Variants in PRIM2 observed in about 807,000 individuals in gnomAD.
PRIM2 encodes the protein DNA primase large subunit.
PRIM2 carries 39 observed loss-of-function variants against 67.3 expected under a neutral mutation model. That is an observed-to-expected ratio of 0.58 (90% CI 0.45 to 0.76). The LOEUF (loss-of-function observed/expected upper bound fraction) is 0.76. PRIM2 is among the 30% of genes least tolerant of loss of function. The probability of loss-of-function intolerance (pLI) is 0.00; values close to 1 mark genes in which losing one functional copy is unlikely to be tolerated. For synonymous variants in PRIM2, 143 were observed against 198.7 expected, an observed-to-expected ratio of 0.72 and a Z score of 2.36; for missense variants, 398 against 598.7, an observed-to-expected ratio of 0.66 and a Z score of 3.50.
intron 7 of PRIM2, among the ~76,000 whole-genome samples, chr6:57,427,645 A>G (rs1401825807): frequency 1.3e-5 from 2 of 152,190 alleles, no homozygotes; most frequent in African/African-American, 4.8e-5. Context: ...ACAGCATCAC[A>G]TAGCAAATTT....
chr6:57,335,405 G>A (rs1238265627), intron 5 of PRIM2, among the ~76,000 whole-genome samples: 7 of 152,302 alleles, frequency 4.6e-5, no homozygotes, highest in Middle Eastern at 3.4e-3. Flanking sequence ...CACCTCTGGG[G>A]GCAGGGCACA....
intron 10 of PRIM2, among the ~76,000 whole-genome samples, chr6:57,549,998 T>G (rs1237165058): frequency 2.0e-5 from 3 of 152,034 alleles, no homozygotes; most frequent in Non-Finnish European, 4.4e-5. Context: ...GGCAGGAGAA[T>G]TGCTTGAACC....
chr6:57,439,145 CAT>C (rs1385439378), intron 7 of PRIM2, among the ~76,000 whole-genome samples: 1 of 152,084 alleles, frequency 6.6e-6, no homozygotes, highest in African/African-American at 2.4e-5. Flanking sequence ...TATTTAAAAA[CAT>C]TTTTAGTCAT....
intron 12 of PRIM2, among the ~76,000 whole-genome samples, chr6:57,618,535 C>T (rs1776792727): frequency 6.6e-6 from 1 of 152,182 alleles, no homozygotes; most frequent in Non-Finnish European, 1.5e-5. Flanking sequence ...AAGCCTTGGG[C>T]AGTTTTCAAG....
In PRIM2 at chr6:57,541,387, C is replaced by T. The variant is rs1482073092; in HGVS notation, c.1020+3762C>T. 3.3e-5 allele frequency among the ~76,000 whole-genome samples: 5 copies of T among 152,026 alleles called. No homozygotes were observed. In the South Asian group the frequency reaches 8.3e-4, roughly 25 times the overall value. On this transcript the variant is annotated intron_variant, in intron 10 of 13. Coordinates refer to ENST00000615550, the MANE Select transcript of PRIM2 (RefSeq NM_000947.5). ...TACAGGTGTGAGCTACTGTGCCTGG[C>T]CTATTATGACTTTCTTAATTTTTTT... is the stretch of plus-strand genomic sequence containing the variant.
At chr6:57,233,604 CCCTCCCTCCCTCCCTCCTTCCCTTT>C in the PRIM2 span, among the ~76,000 whole-genome samples, 1 of 119,782 alleles carries the variant, frequency 8.3e-6, no homozygotes, top group Non-Finnish European at 1.7e-5. Flanking sequence ...TCCTCCCCCT[CCCTCCCTCCCTCCCTCCTTCCCTTT>C]CCTCCCTCCC....
chr6:57,339,731 T>C (rs1164586070), intron 5 of PRIM2, among the ~76,000 whole-genome samples: 2 of 152,162 alleles, frequency 1.3e-5, no homozygotes. Context: ...ACTTAAACGT[T>C]AGACCTAAAA....
intron 7 of PRIM2, chr6:57,383,682 G>C (rs1770040868): frequency 6.6e-6 from 1 of 151,888 alleles, no homozygotes; most frequent in Middle Eastern, 3.2e-3. Flanking sequence ...GCCATCTAGA[G>C]ATGAGGCAGG....
At chr6:57,321,173 A>G (rs996489405) in intron 3 of PRIM2, among the ~76,000 whole-genome samples, 2 of 152,216 alleles carry the variant, frequency 1.3e-5, no homozygotes, top group Non-Finnish European at 2.9e-5. Context: ...AGAAGGTAGA[A>G]TCAAAAGGTT....
the PRIM2 span, among the ~76,000 whole-genome samples, chr6:57,293,390 A>C: frequency 6.6e-6 from 1 of 152,222 alleles, no homozygotes; most frequent in Admixed American, 6.5e-5. Flanking sequence ...TGTTGGTGGG[A>C]GTGTAAATTA....
At position 57,597,186 on chromosome 6, in the gene PRIM2, C is replaced by T. The variant is rs1299855140; in HGVS notation, c.1021-3907C>T. Among the ~76,000 whole-genome samples, 219 of 152,244 alleles carry T rather than the reference C, an allele frequency of 1.4e-3. 5 individuals are homozygous for T. In the East Asian group the frequency reaches 0.019, roughly 13 times the overall value. The stretch of plus-strand genomic sequence containing the variant: ...CATTGCAACAAGAAAGGTACAGCAC[C>T]GTACAAACTGCTGCTGTGCGTTCTT... On this transcript the variant is annotated intron_variant, in intron 10 of 13. Transcript: ENST00000615550.
At chr6:57,341,490 C>T (rs1159918949) in intron 5 of PRIM2, among the ~76,000 whole-genome samples, 2 of 152,100 alleles carry the variant, frequency 1.3e-5, no homozygotes, top group Non-Finnish European at 2.9e-5. Flanking sequence ...TTCATGGACT[C>T]TCCCATGGCA....
At chr6:57,548,698 G>A (rs1775338398) in intron 10 of PRIM2, among the ~76,000 whole-genome samples, 1 of 152,088 alleles carries the variant, frequency 6.6e-6, no homozygotes, top group African/African-American at 2.4e-5. Flanking sequence ...AATTGCATTG[G>A]GAGTTTAGTT....
At chr6:57,452,532 C>T (rs1211322565) in intron 7 of PRIM2, among the ~76,000 whole-genome samples, 2 of 152,184 alleles carry the variant, frequency 1.3e-5, no homozygotes, top group Non-Finnish European at 2.9e-5. Context: ...CTCTGATGGC[C>T]AGTGATGATG....
At chr6:57,241,976 C>T in the PRIM2 span, among the ~76,000 whole-genome samples, 1 of 151,956 alleles carries the variant, frequency 6.6e-6, no homozygotes, top group Non-Finnish European at 1.5e-5. Flanking sequence ...CCGGCCAGAA[C>T]CATTTAATTT....
the PRIM2 span, among the ~76,000 whole-genome samples, chr6:57,248,728 AT>A: frequency 6.6e-6 from 1 of 152,066 alleles, no homozygotes; most frequent in Non-Finnish European, 1.5e-5. Flanking sequence ...AGGTAGTTTC[AT>A]TTTTCAACTT....
At chr6:57,374,253 ATTG>A (rs1335196686) in intron 5 of PRIM2, among the ~76,000 whole-genome samples, 1 of 139,394 alleles carries the variant, frequency 7.2e-6, no homozygotes, top group Non-Finnish European at 1.6e-5. Flanking sequence ...TGGCTTGGCT[ATTG>A]TTGGTGTATA....
chr6:57,368,540 G>C (rs1769442658), intron 5 of PRIM2, among the ~76,000 whole-genome samples: 1 of 152,170 alleles, frequency 6.6e-6, no homozygotes, highest in Non-Finnish European at 1.5e-5. Context: ...CAGTGTACTA[G>C]ACTAGTGGTT....
chr6:57,639,588 G>A (rs1165850050), intron 13 of PRIM2, among the ~76,000 whole-genome samples: 1 of 135,924 alleles, frequency 7.4e-6, no homozygotes, highest in Non-Finnish European at 1.6e-5. Flanking sequence ...TGATCCCACA[G>A]AAATACAAAC....
Sources: allele counts gnomAD v4.1 joint callset (sites outside exome capture counted in the v4.1 genomes callset), GRCh38; gene constraint gnomAD v4.1.1; transcripts MANE v1.5; gene names NCBI Gene and HGNC (gene_info 2026-07-23, HGNC 2026-07-21).